Variants in HAP1 observed in about 807,000 individuals in gnomAD.
The protein encoded by HAP1 is huntingtin associated protein 1, also known as huntingtin-associated protein 1.
A neutral mutation model predicts 60.3 loss-of-function variants in HAP1; 59 were observed. That is an observed-to-expected ratio of 0.98 (90% confidence interval 0.79 to 1.22). The LOEUF (loss-of-function observed/expected upper bound fraction) is 1.22, where lower values mean the gene tolerates loss of function less well. HAP1 is among the 50% of genes most tolerant of loss of function. HAP1 has a pLI of 0.00. For missense variants in HAP1, 825 were observed against 785.3 expected, an observed-to-expected ratio of 1.05 and a Z score of -0.60; for synonymous variants, 346 against 330.6, an observed-to-expected ratio of 1.05 and a Z score of -0.50.
chr17:41,726,424 G>C (rs1911633504), intron 9 of HAP1, among the ~76,000 whole-genome samples: 1 of 141,176 alleles, frequency 7.1e-6, no homozygotes. Context: ...AAAAAAATTA[G>C]CCAGGCTCGT....
In HAP1 at chr17:41,734,512, C is replaced by T; in HGVS notation, c.123G>A (p.Pro41=). The change falls in exon 1 of 11, where the codon CCG becomes CCA. Residue 41 remains proline, a synonymous_variant. Transcript: ENST00000347901. Reference sequence around the variant, plus strand: ...CTCTCTGTCCAGTGCCCCGTGCCTGCGGCTGCGCAGAGGGCTCCGGAGCGG... The same window carrying T: ...CTCTCTGTCCAGTGCCCCGTGCCTGTGGCTGCGCAGAGGGCTCCGGAGCGG... ...ASPAPEPSAQ[P]QARGTGQRVG... 6.2e-7 allele frequency: 1 copy of T among 1,611,934 alleles called. No individual in the cohort carries two copies. Among genetic ancestry groups the T allele is most frequent in the Non-Finnish European group, 8.5e-7 (1 of 1,179,690 alleles).
chr17:41,725,047 G>T lies in HAP1; in HGVS notation c.1514C>A (p.Ala505Glu), dbSNP rs34853043. ...CTCCTCCTGGGGCACGAACTCCTCC[G>T]CAGGCGTGAAATCTTCCCCCCGCAT... ...DIMRGEDFTP[A>E]EEFVPQEELG... The change falls in exon 11 of 11, where the codon GCG becomes GAG. Residue 505 changes from alanine to glutamate, a missense_variant. Ala to Glu is a moderately radical substitution (Grantham distance 107). Transcript: ENST00000347901. The T allele has an allele frequency of 1.9e-6, 3 of 1,612,260 alleles. No homozygotes were observed. The Admixed American group carries it at 5.0e-5, about 27-fold the overall frequency.
In HAP1 at chr17:41,724,599, G is replaced by A; in HGVS notation, c.*102C>T. ...ACGGTTCCCACTGAAGGGGATCAGA[G>A]GTGTCTATGCAAATGATATGCAAAG... On this transcript the variant is annotated 3_prime_UTR_variant, in exon 11 of 11. Transcript: ENST00000347901. The A allele has an allele frequency of 1.3e-6, 1 of 795,816 alleles. No individual in the cohort carries two copies. Among genetic ancestry groups the A allele is most frequent in the Non-Finnish European group, 2.1e-6 (1 of 483,630 alleles). 49.3% of individuals were successfully genotyped at this position (795,816 alleles called of 1,614,324 possible).
intron 8 of HAP1, 193 bp from the exon 9 acceptor site, chr17:41,727,337 G>A (rs1911738554): frequency 3.8e-6 from 3 of 780,892 alleles, no homozygotes; most frequent in African/African-American, 3.4e-5. Context: ...CAGACCCAGT[G>A]GACACTGGGG....
intron 9 of HAP1, among the ~76,000 whole-genome samples, chr17:41,726,655 G>C (rs1374823439): frequency 6.6e-6 from 1 of 151,918 alleles, no homozygotes; most frequent in African/African-American, 2.4e-5. Context: ...CTGAGGTCAG[G>C]AGCTTGAGAC....
downstream of HAP1, among the ~76,000 whole-genome samples, chr17:41,720,105 G>A (rs1480400930): frequency 2.2e-4 from 33 of 151,790 alleles, no homozygotes; most frequent in Admixed American, 1.2e-3. Context: ...TAGCCAGGAT[G>A]GTCTCGATCT....
In HAP1 at chr17:41,732,732, T is replaced by C. The variant is rs1295336805; in HGVS notation, c.536A>G (p.Tyr179Cys). ...ITQEDVKVMLYLLEELLPPVW... is the reference protein window; with the variant it reads ...ITQEDVKVMLCLLEELLPPVW... Reference sequence around the variant, plus strand: ...GGCAGTACACACCTCCTCCAGCAAATATAACATCACTTTGACGTCTTCCTG... The same window carrying C: ...GGCAGTACACACCTCCTCCAGCAAACATAACATCACTTTGACGTCTTCCTG... The change falls in exon 2 of 11, where the codon TAT becomes TGT. Residue 179 changes from tyrosine to cysteine, a missense_variant. By Grantham distance (194) the Tyr-to-Cys change is radical. Coordinates refer to ENST00000347901, the MANE Select transcript of HAP1 (RefSeq NM_177977.3). The C allele has an allele frequency of 4.3e-6, 7 of 1,612,044 alleles. No individual in the cohort carries two copies. The African/African-American group carries it at 8.0e-5, about 18-fold the overall frequency.
In HAP1 at chr17:41,734,189, G is replaced by A. The variant is rs918174086; in HGVS notation, c.446C>T (p.Ala149Val). Residue 149 changes from alanine to valine, a missense_variant, in exon 1 of 11, where the codon GCC (alanine) becomes GTC (valine). Physicochemically the swap from Ala to Val is moderately conservative, Grantham distance 64. Transcript: ENST00000347901. ...RPGVSGPERAAFIRELEEALC... is the reference protein window; with the variant it reads ...RPGVSGPERAVFIRELEEALC... ...ACCTTCCTCCAGCTCCCGAATAAAG[G>A]CGGCGCGCTCAGGGCCGGACACCCC... 1.9e-6 allele frequency: 3 copies of A among 1,586,740 alleles called. No homozygotes were observed. Among genetic ancestry groups the A allele is most frequent in the Admixed American group, 3.4e-5 (2 of 58,680 alleles).
At chr17:41,732,189 G>T (rs782707532) in intron 3 of HAP1, 41 bp downstream of exon 3, 4 of 1,610,662 alleles carry the variant, frequency 2.5e-6, no homozygotes, top group Non-Finnish European at 3.4e-6. Context: ...CATGAGGCAG[G>T]TGTAGATTGG....
Position 41,727,847 on chromosome 17 carries a change from C to T in HAP1, c.1201-11G>A. 1 of 1,560,668 alleles carries T rather than the reference C, an allele frequency of 6.4e-7. No individual in the cohort carries two copies. The highest frequency in any genetic ancestry group is 1.1e-5 in the South Asian group (1 of 90,210). Reference sequence around the variant, plus strand: ...AGTCTCAGCCCCATACTGGAAGGACCCAAAACCAGTGAACCCCCATCTGAG... The same window carrying T: ...AGTCTCAGCCCCATACTGGAAGGACTCAAAACCAGTGAACCCCCATCTGAG... On this transcript the variant is annotated splice_polypyrimidine_tract_variant and intron_variant, in intron 7 of 10. Coordinates refer to ENST00000347901, the MANE Select transcript of HAP1 (RefSeq NM_177977.3).
At chr17:41,726,896 G>C (rs1320650655) in intron 9 of HAP1, among the ~76,000 whole-genome samples, 157 bp downstream of exon 9, 1 of 152,064 alleles carries the variant, frequency 6.6e-6, no homozygotes, top group African/African-American at 2.4e-5. Context: ...GGGAAGTGAT[G>C]GGTCCATATT....
chr17:41,733,352 CTTTT>C (rs1226491607), intron 1 of HAP1, among the ~76,000 whole-genome samples: 18 of 74,666 alleles, frequency 2.4e-4, no homozygotes, highest in East Asian at 9.0e-4. Flanking sequence ...CCGCGCCCGG[CTTTT>C]TTTTTTTTTT....
downstream of HAP1, among the ~76,000 whole-genome samples, chr17:41,720,541 ATGTATGTCC>A (rs375113110): frequency 6.6e-6 from 1 of 152,120 alleles, no homozygotes; most frequent in African/African-American, 2.4e-5. Flanking sequence ...ACAGTTGAAA[ATGTATGTCC>A]TGTTTTTATG....
At chr17:41,731,838 A>G in intron 4 of HAP1, 95 bp from the exon 5 acceptor site, 2 of 960,544 alleles carry the variant, frequency 2.1e-6, no homozygotes, top group Non-Finnish European at 3.3e-6. Context: ...AATTAGTTCC[A>G]GCAACCCTGC....
Position 41,732,080 on chromosome 17 carries a change from C to G in HAP1, c.753G>C (p.Glu251Asp). The G allele has an allele frequency of 6.2e-7, 1 of 1,613,710 alleles. No individual in the cohort carries two copies. The highest frequency in any genetic ancestry group is 2.2e-5 in the East Asian group (1 of 44,888). The change falls in exon 4 of 11, where the codon GAG becomes GAC. Residue 251 changes from glutamate (E) to aspartate (D), a missense_variant. Transcript: ENST00000347901. ...CAGAATCTGAGTAGAGCTGGAGGAG[C>G]TCATCCCGCAAGTTCACCTGGTGTC... The part of the protein sequence containing the change: ...YLRHQVNLRD[E>D]LLQLYSDSDE...
Position 41,724,919 on chromosome 17 carries a change from C to T in HAP1, c.1642G>A (p.Asp548Asn). 5 of 1,613,526 alleles carry T rather than the reference C, an allele frequency of 3.1e-6. No individual in the cohort carries two copies. Among genetic ancestry groups the T allele is most frequent in the Non-Finnish European group, 4.2e-6 (5 of 1,180,002 alleles). The stretch of plus-strand genomic sequence containing the variant: ...ACCACGTTCATCCGCGTTGCCTCAT[C>T]CAGCTCCAGTTCCACCTCCTCCCAG... The part of the protein sequence containing the change: ...EGWEEVELEL[D>N]EATRMNVVTS... The change falls in exon 11 of 11, where the codon GAT becomes AAT. Residue 548 changes from aspartate (D) to asparagine (N), a missense_variant. Asp to Asn is a conservative substitution (Grantham distance 23, BLOSUM62 1). Transcript: ENST00000347901.
At chr17:41,730,699 C>T (rs112528520) in intron 6 of HAP1, among the ~76,000 whole-genome samples, 105 of 152,232 alleles carry the variant, frequency 6.9e-4, no homozygotes, top group African/African-American at 2.5e-3. Flanking sequence ...TGCCACTTTG[C>T]GTTTGCATCT....
downstream of HAP1, among the ~76,000 whole-genome samples, chr17:41,719,135 T>C (rs1167901186): frequency 6.6e-6 from 1 of 151,982 alleles, no homozygotes; most frequent in African/African-American, 2.4e-5. Flanking sequence ...GGCACCACCA[T>C]GCCAGGCTAA....
chr17:41,727,890 ACCCC>A (rs1555589404), intron 7 of HAP1, 54 bp from the exon 8 acceptor site: 2 of 1,088,666 alleles, frequency 1.8e-6, no homozygotes, highest in Non-Finnish European at 2.8e-6. Context: ...CACTCAGGGC[ACCCC>A]CTGCTTCCAG....
Sources: allele counts gnomAD v4.1 joint callset (sites outside exome capture counted in the v4.1 genomes callset), GRCh38; gene constraint gnomAD v4.1.1; transcripts MANE v1.5; gene names NCBI Gene and HGNC (gene_info 2026-07-23, HGNC 2026-07-21).